Variants in DLG2 observed in about 807,000 individuals in gnomAD.
The protein encoded by DLG2 is discs large MAGUK scaffold protein 2, also known as disks large homolog 2.
In DLG2, 45 loss-of-function variants were observed where a neutral mutation model predicts 132.5. The observed-to-expected ratio is 0.34, with a 90% CI of 0.27 to 0.44. The LOEUF is 0.44. Among genes scored for constraint, DLG2 ranks in the 20% least tolerant of loss-of-function variants. The pLI is 1.00. For synonymous variants in DLG2, 424 were observed against 419.6 expected (o/e 1.01, Z -0.13); for missense variants, 1,045 against 1,196.9 (o/e 0.87, Z 1.87).
Position 84,750,373 on chromosome 11 carries a change from A to G in DLG2, c.358-215642T>C, listed in dbSNP as rs972523074. Among the ~76,000 whole-genome samples the G allele has an allele frequency of 5.9e-5, 9 of 152,326 alleles. 1 individual carries two copies. Among genetic ancestry groups the G allele is most frequent in the Admixed American group, 3.9e-4 (6 of 15,296 alleles). The stretch of plus-strand genomic sequence containing the variant: ...GATTTCTGTATGTACAATGAGGAAG[A>G]TAAAAAGTGAGGTTTGAAGTCGGAG... On this transcript the variant is annotated intron_variant, in intron 6 of 27. Transcript: ENST00000376104.
intron 21 of DLG2, among the ~76,000 whole-genome samples, chr11:83,517,904 G>A (rs1010474296): frequency 1.3e-4 from 20 of 152,124 alleles, no homozygotes; most frequent in Admixed American, 6.5e-5. Flanking sequence ...AGGAGTACTC[G>A]GCCATGTGAG....
chr11:85,502,651 C>T (rs141955632), intron 3 of DLG2, among the ~76,000 whole-genome samples: 163 of 151,712 alleles, frequency 1.1e-3, no homozygotes, highest in African/African-American at 3.6e-3. Flanking sequence ...GGCCTGTCGG[C>T]GGGTTGGGGG....
At chr11:84,267,797 GC>G (rs1234419211) in intron 7 of DLG2, among the ~76,000 whole-genome samples, 1 of 152,038 alleles carries the variant, frequency 6.6e-6, no homozygotes, top group Non-Finnish European at 1.5e-5. Flanking sequence ...AACGTTCTCT[GC>G]TTCTCCATGG....
intron 8 of DLG2, among the ~76,000 whole-genome samples, chr11:84,181,235 TA>T (rs2096118408): frequency 6.6e-6 from 1 of 151,992 alleles, no homozygotes; most frequent in Non-Finnish European, 1.5e-5. Context: ...TATTTTGTTA[TA>T]AGACACTTGT....
chr11:85,479,169 G>T (rs542130933), intron 3 of DLG2, among the ~76,000 whole-genome samples: 5 of 152,248 alleles, frequency 3.3e-5, no homozygotes, highest in Admixed American at 3.3e-4. Flanking sequence ...GTCCATTTGG[G>T]CTACTATACC....
chr11:84,980,661 G>C (rs191809463), intron 6 of DLG2, among the ~76,000 whole-genome samples: 4 of 152,268 alleles, frequency 2.6e-5, no homozygotes, highest in African/African-American at 9.6e-5. Flanking sequence ...GAATACCTAA[G>C]GTTAGTAGCT....
At chr11:85,383,290 T>G (rs939272354) in intron 3 of DLG2, among the ~76,000 whole-genome samples, 1 of 152,100 alleles carries the variant, frequency 6.6e-6, no homozygotes, top group African/African-American at 2.4e-5. Flanking sequence ...AGAAAGTAGA[T>G]TAGTAGCCTA....
chr11:85,286,093 G>T (rs576221386), intron 3 of DLG2: 32 of 449,952 alleles, frequency 7.1e-5, no homozygotes, highest in South Asian at 4.8e-4. Context: ...AAAAAGTACT[G>T]ACTTAAGTAA....
At chr11:85,509,132 A>G (rs1025640531) in intron 3 of DLG2, among the ~76,000 whole-genome samples, 2 of 152,034 alleles carry the variant, frequency 1.3e-5, no homozygotes, top group African/African-American at 2.4e-5. Flanking sequence ...TTTCGCAGTG[A>G]GTTTTAGGAC....
chr11:84,850,655 A>G (rs2082064436), intron 6 of DLG2, among the ~76,000 whole-genome samples: 1 of 152,156 alleles, frequency 6.6e-6, no homozygotes, highest in Non-Finnish European at 1.5e-5. Context: ...AGTATCTTAA[A>G]GAATCCACAA....
intron 21 of DLG2, among the ~76,000 whole-genome samples, chr11:83,498,063 T>C (rs1170211271): frequency 1.3e-5 from 2 of 152,106 alleles, no homozygotes; most frequent in African/African-American, 4.8e-5. Flanking sequence ...AAAAAATGTA[T>C]CCTGTTTAAA....
At chr11:84,447,930 C>G (rs769899966) in intron 7 of DLG2, among the ~76,000 whole-genome samples, 45 of 152,086 alleles carry the variant, frequency 3.0e-4, no homozygotes, top group Non-Finnish European at 5.9e-5. Context: ...AGAAAAATAT[C>G]AAGCCAGCAG....
At chr11:84,100,901 A>G (rs958969803) in intron 9 of DLG2, among the ~76,000 whole-genome samples, 1 of 152,092 alleles carries the variant, frequency 6.6e-6, no homozygotes, top group Admixed American at 6.6e-5. Flanking sequence ...TTACAATTGT[A>G]TATTTATTAC....
intron 4 of DLG2, among the ~76,000 whole-genome samples, chr11:85,254,807 T>C (rs2152703233): frequency 1.3e-5 from 2 of 152,208 alleles, no homozygotes; most frequent in East Asian, 3.9e-4. Context: ...AAGACCATCC[T>C]GGCTAACATG....
At chr11:84,225,972 G>T (rs2154331533) in intron 8 of DLG2, among the ~76,000 whole-genome samples, 1 of 151,970 alleles carries the variant, frequency 6.6e-6, no homozygotes, top group African/African-American at 2.4e-5. Context: ...CACCACGCCT[G>T]GCTAATTTTT....
chr11:83,511,023 C>T (rs1393720744), intron 21 of DLG2, among the ~76,000 whole-genome samples: 4 of 97,100 alleles, frequency 4.1e-5, no homozygotes, highest in South Asian at 3.7e-4. Context: ...TCCAATACTA[C>T]GTTTTGAGAA....
At chr11:84,424,306 A>G (rs1305441565) in intron 7 of DLG2, among the ~76,000 whole-genome samples, 1 of 152,126 alleles carries the variant, frequency 6.6e-6, no homozygotes, top group African/African-American at 2.4e-5. Flanking sequence ...GTGATTACAA[A>G]GTTGTTCAAA....
intron 6 of DLG2, among the ~76,000 whole-genome samples, chr11:84,588,114 C>G (rs1006880920): frequency 2.6e-5 from 4 of 152,158 alleles, no homozygotes; most frequent in Admixed American, 1.3e-4. Context: ...CTAGGCTCAC[C>G]AAATTTATTG....
intron 7 of DLG2, among the ~76,000 whole-genome samples, chr11:84,494,603 C>CG (rs1243724281): frequency 1.3e-5 from 2 of 152,008 alleles, no homozygotes; most frequent in Non-Finnish European, 2.9e-5. Context: ...CCAAGGGGTC[C>CG]GGAAGTAGTA....
Sources: gnomAD v4.1 joint callset for allele counts (sites outside exome capture counted in the v4.1 genomes callset) on GRCh38, gnomAD v4.1.1 for gene constraint, MANE v1.5 for transcripts, NCBI Gene and HGNC (gene_info 2026-07-23, HGNC 2026-07-21) for gene names.